UTS2: variants seen among roughly 807,000 people sequenced by gnomAD.
UTS2 encodes urotensin 2.
UTS2 carries 10 observed loss-of-function variants against 12.6 expected under a neutral mutation model. That is an observed-to-expected ratio of 0.80 (90% CI 0.49 to 1.35). The LOEUF is 1.35. UTS2 is among the 40% of genes most tolerant of loss of function. The pLI, the probability that UTS2 is intolerant of heterozygous loss-of-function variation, is 0.00. For synonymous variants in UTS2, 52 were observed against 50.0 expected, an observed-to-expected ratio of 1.04 and a Z score of -0.17; for missense variants, 142 against 143.2, an observed-to-expected ratio of 0.99 and a Z score of 0.04.
At chr1:7,891,401 T>C in the UTS2 span, among the ~76,000 whole-genome samples, 1 of 151,742 alleles carries the variant, frequency 6.6e-6, no homozygotes, top group South Asian at 2.1e-4. Context: ...TGGTGGGCGC[T>C]TGTAATCCCA....
intron 2 of UTS2, among the ~76,000 whole-genome samples, chr1:7,850,107 T>C (rs551034382): frequency 9.9e-5 from 15 of 151,960 alleles, no homozygotes; most frequent in African/African-American, 3.1e-4. Flanking sequence ...GTAGCTGGGA[T>C]TACAGGTGCC....
chr1:7,891,987 A>G, the UTS2 span, among the ~76,000 whole-genome samples: 1 of 152,238 alleles, frequency 6.6e-6, no homozygotes, highest in East Asian at 1.9e-4. Context: ...ACGTGTATAC[A>G]CACGTGCCAG....
the UTS2 span, among the ~76,000 whole-genome samples, chr1:7,895,385 T>A: frequency 1.3e-5 from 2 of 151,588 alleles, no homozygotes; most frequent in African/African-American, 4.9e-5. Flanking sequence ...AATAAATAAA[T>A]AAATAAAAAT....
chr1:7,895,271 AG>A, the UTS2 span, among the ~76,000 whole-genome samples: 1 of 152,134 alleles, frequency 6.6e-6, no homozygotes. Context: ...CAGGAGGCTG[AG>A]GCAGGAGAAT....
chr1:7,870,157 G>C, the UTS2 span, among the ~76,000 whole-genome samples: 3 of 152,140 alleles, frequency 2.0e-5, no homozygotes, highest in African/African-American at 7.2e-5. Context: ...TCTAACCCCC[G>C]GTACCTTCAA....
chr1:7,866,083 T>C, the UTS2 span, among the ~76,000 whole-genome samples: 4 of 152,232 alleles, frequency 2.6e-5, no homozygotes, highest in African/African-American at 9.6e-5. The surrounding 1 kb of genome is among the most constrained non-coding windows in gnomAD (Gnocchi z 4.5). Context: ...GAAAGGGCTC[T>C]GGGCCAGGGT....
rs564872980 is a variant in UTS2, at chr1:7,850,130, C to T, written c.215-447G>A. On this transcript the variant is annotated intron_variant, in intron 2 of 3. Coordinates refer to ENST00000361696, the MANE Select transcript of UTS2 (RefSeq NM_006786.4). Reference sequence around the variant, plus strand: ...GATTACAGGTGCCCGCCACCATGCCCGGCTGATATTTGTATTTTTAGTCGA... The same window carrying T: ...GATTACAGGTGCCCGCCACCATGCCTGGCTGATATTTGTATTTTTAGTCGA... Among the ~76,000 whole-genome samples, 1,051 of 152,040 alleles carry T rather than the reference C, an allele frequency of 6.9e-3. 1 individual carries two copies. The highest frequency in any genetic ancestry group is 9.9e-3 in the Non-Finnish European group (675 of 67,992).
the UTS2 span, among the ~76,000 whole-genome samples, chr1:7,863,046 TTGTATTGTATTGTATTG>T: frequency 2.8e-5 from 1 of 35,494 alleles, no homozygotes; most frequent in African/African-American, 8.5e-5. Context: ...TTGTATTGTA[TTGTATTGTATTGTATTG>T]TATTGTATTG....
chr1:7,864,704 C>T, the UTS2 span, among the ~76,000 whole-genome samples: 2 of 152,208 alleles, frequency 1.3e-5, no homozygotes, highest in Non-Finnish European at 2.9e-5. Context: ...TCTCCTTTCC[C>T]CTAAGAAGAG....
the UTS2 span, among the ~76,000 whole-genome samples, chr1:7,877,128 AAAAAAAAAAAAAAAG>A: frequency 6.0e-5 from 5 of 82,674 alleles, no homozygotes; most frequent in Non-Finnish European, 2.6e-5. Flanking sequence ...GACTCTATCA[AAAAAAAAAAAAAAAG>A]AAAAAAAAAA....
chr1:7,898,545 G>A, the UTS2 span, among the ~76,000 whole-genome samples: 3 of 151,648 alleles, frequency 2.0e-5, no homozygotes, highest in Admixed American at 1.3e-4. Context: ...GCGCGATCTC[G>A]GCTCACTGCA....
At chr1:7,891,546 A>AAG in the UTS2 span, among the ~76,000 whole-genome samples, 2 of 143,886 alleles carry the variant, frequency 1.4e-5, no homozygotes, top group Non-Finnish European at 3.0e-5. Context: ...AAAAGAAAGA[A>AAG]AGAAAGAAAG....
At chr1:7,868,885 A>C in the UTS2 span, among the ~76,000 whole-genome samples, 1 of 152,212 alleles carries the variant, frequency 6.6e-6, no homozygotes, top group Non-Finnish European at 1.5e-5. Context: ...TAGTGCCCTT[A>C]TAAAAACAGG....
At position 7,850,829 on chromosome 1, in the gene UTS2, T is replaced by A; in HGVS notation, c.197A>T (p.Asp66Val). 1 of 1,614,164 alleles carries A rather than the reference T, an allele frequency of 6.2e-7. No individual in the cohort carries two copies. Among genetic ancestry groups the A allele is most frequent in the Non-Finnish European group, 8.5e-7 (1 of 1,180,032 alleles). The part of the protein sequence containing the change: ...LPEMLGAERG[D>V]ILRKADSSTN... ...CATTTTACCTGCTTTCCTGAGAATATCCCCTCTTTCTGCACCCAGCATCTC... is the reference window on the plus strand; with the variant it reads ...CATTTTACCTGCTTTCCTGAGAATAACCCCTCTTTCTGCACCCAGCATCTC... The change falls in exon 2 of 4, where the codon GAT (aspartate) becomes GTT (valine). Residue 66 changes from aspartate to valine, a missense_variant. Physicochemically the swap from Asp to Val is radical, Grantham distance 152. Transcript: ENST00000361696.
the UTS2 span, among the ~76,000 whole-genome samples, chr1:7,901,746 A>G: frequency 7.9e-5 from 12 of 152,070 alleles, no homozygotes; most frequent in Non-Finnish European, 1.3e-4. Context: ...GACTTCGTGG[A>G]GGAGATGGTT....
chr1:7,901,966 C>T, the UTS2 span, among the ~76,000 whole-genome samples: 17 of 152,120 alleles, frequency 1.1e-4, no homozygotes, highest in African/African-American at 3.6e-4. Flanking sequence ...GGAAATCCAG[C>T]GACCCTAGAG....
the UTS2 span, among the ~76,000 whole-genome samples, chr1:7,873,005 C>T: frequency 1.3e-5 from 2 of 152,118 alleles, no homozygotes; most frequent in Non-Finnish European, 2.9e-5. Context: ...ATCCTAGGGC[C>T]CTTAAGAATT....
At chr1:7,863,045 ATTGTATTGTATT>A in the UTS2 span, among the ~76,000 whole-genome samples, 6 of 36,552 alleles carry the variant, frequency 1.6e-4, 1 homozygote, top group Non-Finnish European at 2.0e-4. Flanking sequence ...ATTGTATTGT[ATTGTATTGTATT>A]GTATTGTATT....
chr1:7,910,593 T>C, the UTS2 span, among the ~76,000 whole-genome samples: 2 of 152,234 alleles, frequency 1.3e-5, no homozygotes, highest in African/African-American at 2.4e-5. Flanking sequence ...CCATGTAACA[T>C]AAAACTATGA....
Sources: allele counts gnomAD v4.1 joint callset (sites outside exome capture counted in the v4.1 genomes callset), GRCh38; gene constraint gnomAD v4.1.1; non-coding constraint Gnocchi (gnomAD v3.1); transcripts MANE v1.5; gene names NCBI Gene and HGNC (gene_info 2026-07-23, HGNC 2026-07-21).